TMEM225B: variants seen among roughly 807,000 people sequenced by gnomAD.
The protein encoded by TMEM225B is transmembrane protein 225B.
A neutral mutation model predicts 16.9 loss-of-function variants in TMEM225B; 10 were observed. The observed-to-expected ratio is 0.59, with a 90% CI of 0.36 to 1.00. The LOEUF (loss-of-function observed/expected upper bound fraction) is 1.00, where lower values mean the gene tolerates loss of function less well. Ranked by LOEUF, TMEM225B falls within the 50% of genes least tolerant of loss-of-function variation. The pLI is 0.01. For missense variants in TMEM225B, 217 were observed against 267.0 expected (o/e 0.81, Z 1.30); for synonymous variants, 92 against 109.8 (o/e 0.84, Z 1.01).
chr7:99,600,375 G>A (rs1805257146), intron 2 of TMEM225B, 90 bp downstream of exon 2: 1 of 689,728 alleles, frequency 1.4e-6, no homozygotes, highest in Non-Finnish European at 2.6e-6. Flanking sequence ...GGGGAGTGGG[G>A]TTTGGAAAAT....
intron 2 of TMEM225B, 22 bp from the exon 3 acceptor site, chr7:99,604,364 C>G: frequency 6.6e-7 from 1 of 1,519,878 alleles, no homozygotes; most frequent in East Asian, 2.4e-5. Flanking sequence ...CCCACCTCCA[C>G]GATCACTTTT....
Position 99,607,566 on chromosome 7 carries a change from G to T in TMEM225B, c.356-107G>T, listed in dbSNP as rs372004232. ...TGGGTAGGAGTTTTGTTTCAGAGAG[G>T]GGGCAAGGATGAAGGAGCCTCCAGG... On this transcript the variant is annotated intron_variant, in intron 4 of 5. Coordinates refer to ENST00000431679, the MANE Select transcript of TMEM225B (RefSeq NM_001195541.3). The T allele has an allele frequency of 3.7e-5, 42 of 1,132,312 alleles. No individual in the cohort carries two copies. In the East Asian group the frequency reaches 1.0e-3, roughly 28 times the overall value. 70.1% of individuals were successfully genotyped at this position (1,132,312 alleles called of 1,614,324 possible). A position where few individuals can be genotyped will look rare whatever the true frequency, so the allele number is the denominator to read the frequency against.
intron 5 of TMEM225B, among the ~76,000 whole-genome samples, chr7:99,610,029 C>T (rs963416656): frequency 5.9e-5 from 9 of 152,322 alleles, no homozygotes; most frequent in African/African-American, 7.2e-5. Context: ...TGAACTACCA[C>T]GTCCATCCCT....
chr7:99,610,815 G>T lies in TMEM225B; in HGVS notation c.*250G>T, dbSNP rs1806279669. 2.6e-6 allele frequency: 1 copy of T among 380,652 alleles called. No homozygotes were observed. Among genetic ancestry groups the T allele is most frequent in the Non-Finnish European group, 4.8e-6 (1 of 207,700 alleles). 23.6% of individuals were successfully genotyped at this position (380,652 alleles called of 1,614,324 possible). On this transcript the variant is annotated 3_prime_UTR_variant, in exon 6 of 6. Transcript: ENST00000431679. ...GCAGGTATTTTCAATAAAAAGAAGGGCTACTTTGTTCATCCATATCTCAAA... is the reference window on the plus strand; with the variant it reads ...GCAGGTATTTTCAATAAAAAGAAGGTCTACTTTGTTCATCCATATCTCAAA...
At position 99,604,279 on chromosome 7, in the gene TMEM225B, C is replaced by T. The variant is rs542236566; in HGVS notation, c.-3-107C>T. Reference sequence around the variant, plus strand: ...CATCATTTACTGAGTTTCACATATGCGCCACACACAGCACTGACATTTCCC... The same window carrying T: ...CATCATTTACTGAGTTTCACATATGTGCCACACACAGCACTGACATTTCCC... On this transcript the variant is annotated intron_variant, in intron 2 of 5. Coordinates refer to ENST00000431679, the MANE Select transcript of TMEM225B (RefSeq NM_001195541.3). The T allele has an allele frequency of 9.9e-6, 7 of 708,126 alleles. No individual in the cohort carries two copies. The East Asian group carries it at 1.1e-4, about 11-fold the overall frequency. 43.9% of individuals were successfully genotyped at this position (708,126 alleles called of 1,614,324 possible).
At chr7:99,606,338 A>G (rs1805807924) in intron 3 of TMEM225B, among the ~76,000 whole-genome samples, 1 of 152,102 alleles carries the variant, frequency 6.6e-6, no homozygotes, top group African/African-American at 2.4e-5. Flanking sequence ...GTGGTGGTAC[A>G]TGCCTGTGGT....
At position 99,606,733 on chromosome 7, in the gene TMEM225B, C is replaced by T; in HGVS notation, c.209-15C>T. 1 of 1,535,652 alleles carries T rather than the reference C, an allele frequency of 6.5e-7. No individual in the cohort carries two copies. Among genetic ancestry groups the T allele is most frequent in the Non-Finnish European group, 8.7e-7 (1 of 1,146,628 alleles). On this transcript the variant is annotated splice_polypyrimidine_tract_variant and intron_variant, in intron 3 of 5. Coordinates refer to ENST00000431679, the MANE Select transcript of TMEM225B (RefSeq NM_001195541.3). Reference sequence around the variant, plus strand: ...AGGGTTCCCAGCTTCAGCCCCACTTCTCCCTCCCCTGCAGTTTACATCATC... The same window carrying T: ...AGGGTTCCCAGCTTCAGCCCCACTTTTCCCTCCCCTGCAGTTTACATCATC...
At chr7:99,598,594 G>T (rs1395864533) in intron 1 of TMEM225B, among the ~76,000 whole-genome samples, 3 of 152,220 alleles carry the variant, frequency 2.0e-5, no homozygotes, top group Non-Finnish European at 4.4e-5. Context: ...GGCCACAGAA[G>T]GGCGGAGTCC....
intron 2 of TMEM225B, among the ~76,000 whole-genome samples, chr7:99,601,783 C>T (rs1051982703): frequency 4.6e-5 from 7 of 152,232 alleles, no homozygotes; most frequent in African/African-American, 1.7e-4. Context: ...CTTGTTCAGC[C>T]ATAGCCATTG....
At chr7:99,604,618 G>A (rs1420117508) in intron 3 of TMEM225B, 22 bp downstream of exon 3, 12 of 1,518,540 alleles carry the variant, frequency 7.9e-6, no homozygotes, top group African/African-American at 1.4e-5. Flanking sequence ...TGGAGGCGGG[G>A]AGGAGAGAGA....
At chr7:99,598,143 G>C (rs930156930), upstream of TMEM225B, 7 of 152,306 alleles carry the variant, frequency 4.6e-5, no homozygotes, top group African/African-American at 1.7e-4. Context: ...TGGCCGGGGC[G>C]GCAGGTAGGG....
At chr7:99,607,850 G>A in intron 5 of TMEM225B, 40 bp downstream of exon 5, 1 of 1,527,764 alleles carries the variant, frequency 6.5e-7, no homozygotes, top group Non-Finnish European at 8.8e-7. Flanking sequence ...CTTGTCCTCG[G>A]TCTGGATTTA....
intron 1 of TMEM225B, among the ~76,000 whole-genome samples, chr7:99,598,976 C>G (rs924628930): frequency 6.6e-6 from 1 of 152,128 alleles, no homozygotes; most frequent in Non-Finnish European, 1.5e-5. Context: ...TTTTTTGAGA[C>G]GGAGTCTCGC....
At chr7:99,603,399 T>C (rs1383552978) in intron 2 of TMEM225B, among the ~76,000 whole-genome samples, 4 of 152,122 alleles carry the variant, frequency 2.6e-5, no homozygotes, top group African/African-American at 9.7e-5. Context: ...TTGATAGAAT[T>C]GAAAGCTTAG....
intron 2 of TMEM225B, among the ~76,000 whole-genome samples, chr7:99,601,735 A>G (rs1805379129): frequency 1.3e-5 from 2 of 152,198 alleles, no homozygotes; most frequent in Non-Finnish European, 2.9e-5. Context: ...TGTGGGGGGT[A>G]CAGGAAGGGA....
In TMEM225B at chr7:99,607,707, C is replaced by T. The variant is rs1337759766; in HGVS notation, c.390C>T (p.Ala130=). Residue 130 remains alanine (A), a synonymous_variant, in exon 5 of 6, where the codon GCC becomes GCT. Transcript: ENST00000431679. ...CCTTCCTGGCTTTGGTGCTGCATGCCCTGGAGATCAAGGCTCTGAGGATGA... is the reference window on the plus strand; with the variant it reads ...CCTTCCTGGCTTTGGTGCTGCATGCTCTGGAGATCAAGGCTCTGAGGATGA... The part of the protein sequence containing the change: ...ACAFLALVLH[A]LEIKALRMKL... 2.6e-6 allele frequency: 4 copies of T among 1,535,926 alleles called. No homozygotes were observed. The African/African-American group carries it at 4.1e-5, about 16-fold the overall frequency.
chr7:99,604,654 G>C (rs1210252204), intron 3 of TMEM225B, 58 bp downstream of exon 3: 1 of 1,355,262 alleles, frequency 7.4e-7, no homozygotes, highest in African/African-American at 1.4e-5. Flanking sequence ...TGTTGGGACA[G>C]AGGTGGGGGG....
chr7:99,608,012 C>T (rs1010014215), intron 5 of TMEM225B, among the ~76,000 whole-genome samples: 1 of 152,154 alleles, frequency 6.6e-6, no homozygotes, highest in Non-Finnish European at 1.5e-5. Flanking sequence ...TCCAGTGCTT[C>T]GGGAGGCCGA....
intron 5 of TMEM225B, 139 bp downstream of exon 5, chr7:99,607,949 C>T: frequency 2.1e-6 from 2 of 945,080 alleles, no homozygotes; most frequent in Non-Finnish European, 3.0e-6. Flanking sequence ...GGCTATTTAA[C>T]TTTCGTTAAT....
Sources: allele counts gnomAD v4.1 joint callset (sites outside exome capture counted in the v4.1 genomes callset), GRCh38; gene constraint gnomAD v4.1.1; transcripts MANE v1.5; gene names NCBI Gene and HGNC (gene_info 2026-07-23, HGNC 2026-07-21).